Variants in BIRC6 observed in about 807,000 individuals in gnomAD.
BIRC6 encodes the protein dual E2 ubiquitin-conjugating enzyme/E3 ubiquitin-protein ligase BIRC6.
Under a neutral mutation model 503.3 loss-of-function variants are expected in BIRC6, and 98 were observed. That is an observed-to-expected ratio of 0.19 (90% CI 0.17 to 0.23). The LOEUF (loss-of-function observed/expected upper bound fraction) is 0.23. BIRC6 is among the 10% of genes least tolerant of loss of function. BIRC6 has a pLI of 1.00. For missense variants in BIRC6, 5,360 were observed against 5,806.0 expected (o/e 0.92, Z 2.50); for synonymous variants, 2,240 against 2,078.7 (o/e 1.08, Z -2.11).
chr2:32,374,503 C>T (rs1573738952), intron 1 of BIRC6, among the ~76,000 whole-genome samples: 2 of 149,300 alleles, frequency 1.3e-5, no homozygotes, highest in Middle Eastern at 6.8e-3. Flanking sequence ...GACGGAGTCT[C>T]ACTCTGTCGC....
chr2:32,574,792 A>G (rs1478882984), intron 65 of BIRC6: 1 of 289,602 alleles, frequency 3.5e-6, no homozygotes, highest in East Asian at 9.0e-5. Context: ...CTTGTGGCCC[A>G]GGCTGGAGTG....
At position 32,470,271 on chromosome 2, in the gene BIRC6, C is replaced by G; in HGVS notation, c.6451C>G (p.Pro2151Ala). 1 of 1,574,926 alleles carries G rather than the reference C, an allele frequency of 6.3e-7. No individual in the cohort carries two copies. Residue 2151 changes from proline (P) to alanine (A), a missense_variant, in exon 31 of 74, where the codon CCA becomes GCA. Around this residue, in one of 16 missense-constraint regions of BIRC6, gnomAD observed 2,299 missense variants for 2,267.2 expected, o/e 1.01. Transcript: ENST00000421745. ...GGATAATTTATTGTCACCTCTTCAG[C>G]CACAGTTACCCATGCATAGGAGGAC... is the stretch of plus-strand genomic sequence containing the variant. The part of the protein sequence containing the change: ...LLDNLLSPLQ[P>A]QLPMHRRTEG...
chr2:32,611,025 A>G (rs372710882), intron 72 of BIRC6, among the ~76,000 whole-genome samples: 13 of 152,074 alleles, frequency 8.5e-5, no homozygotes, highest in African/African-American at 2.9e-4. Context: ...ACACCGGGCC[A>G]TAAATTTCAT....
rs10528992 is a variant in BIRC6, at chr2:32,508,276, CTTTTTTTTTTTTTTT to C, written c.9980+30_9980+44del. The C allele has an allele frequency of 5.4e-4, 468 of 864,844 alleles. 2 individuals are homozygous for C. Among genetic ancestry groups the C allele is most frequent in the Non-Finnish European group, 5.4e-4 (374 of 694,976 alleles). 53.6% of individuals were successfully genotyped at this position (864,844 alleles called of 1,614,324 possible). A position where few individuals can be genotyped will look rare whatever the true frequency, so the allele number is the denominator to read the frequency against. ...CAAAACAAGGTATGTTTTGTTTGTC[CTTTTTTTTTTTTTTT>C]TTTTTTTTTTTTGGCATGGTTGGGA... On this transcript the variant is annotated intron_variant, in intron 51 of 73. Coordinates refer to ENST00000421745, the MANE Select transcript of BIRC6 (RefSeq NM_016252.4).
At chr2:32,586,884 CA>C (rs1437024804) in intron 66 of BIRC6, among the ~76,000 whole-genome samples, 1 of 152,082 alleles carries the variant, frequency 6.6e-6, no homozygotes, top group Non-Finnish European at 1.5e-5. Context: ...ATGAGAAAAA[CA>C]AAGTTCATAC....
intron 8 of BIRC6, among the ~76,000 whole-genome samples, chr2:32,404,850 T>TG (rs1272741734): frequency 2.0e-5 from 3 of 151,552 alleles, no homozygotes; most frequent in African/African-American, 7.3e-5. Flanking sequence ...TTTGTGGAGA[T>TG]GGGGTCTCAC....
At chr2:32,427,722 C>A (rs2043682842) in intron 10 of BIRC6, among the ~76,000 whole-genome samples, 1 of 151,998 alleles carries the variant, frequency 6.6e-6, no homozygotes, top group Non-Finnish European at 1.5e-5. Context: ...AATCTGAAGT[C>A]CGAGAAGACA....
intron 65 of BIRC6, among the ~76,000 whole-genome samples, chr2:32,571,096 C>G (rs2059885306): frequency 6.6e-6 from 1 of 152,070 alleles, no homozygotes; most frequent in Non-Finnish European, 1.5e-5. Context: ...CAGGTGTGAA[C>G]CACCATGCCA....
At chr2:32,479,963 TCTTA>T (rs547613782) in intron 37 of BIRC6, among the ~76,000 whole-genome samples, 10 of 152,140 alleles carry the variant, frequency 6.6e-5, no homozygotes, top group East Asian at 3.9e-4. Flanking sequence ...TGTATTTTTT[TCTTA>T]CTTTTTCTTT....
At position 32,436,189 on chromosome 2, in the gene BIRC6, A is replaced by G. The variant is rs1365062730; in HGVS notation, c.3631+5A>G. Reference sequence around the variant, plus strand: ...CAAGCCCCAAACTTGTTAAAGGTGAAGTAATACATTTTACAAAAGCAGAAT... The same window carrying G: ...CAAGCCCCAAACTTGTTAAAGGTGAGGTAATACATTTTACAAAAGCAGAAT... On this transcript the variant is annotated splice_donor_5th_base_variant and intron_variant, in intron 15 of 73. Coordinates refer to ENST00000421745, the MANE Select transcript of BIRC6 (RefSeq NM_016252.4). The G allele has an allele frequency of 3.6e-6, 5 of 1,407,678 alleles. No individual in the cohort carries two copies. The highest frequency in any genetic ancestry group is 4.7e-6 in the Non-Finnish European group (5 of 1,063,402). The allele number at this position is 1,407,678 out of a possible 1,614,324, so 87.2% of individuals were successfully genotyped here. A position where few individuals can be genotyped will look rare whatever the true frequency, so the allele number is the denominator to read the frequency against.
At chr2:32,593,268 T>G (rs2061492755) in intron 66 of BIRC6, among the ~76,000 whole-genome samples, 1 of 152,202 alleles carries the variant, frequency 6.6e-6, no homozygotes, top group Non-Finnish European at 1.5e-5. Flanking sequence ...CTAGTACATT[T>G]ATCTAGAAAA....
chr2:32,575,999 C>A (rs2060243267), intron 66 of BIRC6, among the ~76,000 whole-genome samples: 1 of 152,176 alleles, frequency 6.6e-6, no homozygotes, highest in Non-Finnish European at 1.5e-5. Context: ...ATGTCAGAGA[C>A]ATCTTTCAGT....
intron 40 of BIRC6, 54 bp downstream of exon 40, chr2:32,485,813 C>A: frequency 8.4e-7 from 1 of 1,188,994 alleles, no homozygotes; most frequent in South Asian, 1.3e-5. Context: ...AGCTCTTCAT[C>A]ATTTTCAGGT....
chr2:32,552,250 G>T (rs2058476699), intron 65 of BIRC6, among the ~76,000 whole-genome samples: 1 of 152,088 alleles, frequency 6.6e-6, no homozygotes, highest in Admixed American at 6.5e-5. Context: ...AAACTTTAAT[G>T]TTTAATGACT....
At position 32,441,352 on chromosome 2, in the gene BIRC6, T is replaced by C. The variant is rs758093180; in HGVS notation, c.3834T>C (p.Asn1278=). The C allele has an allele frequency of 2.1e-5, 33 of 1,588,776 alleles. No homozygotes were observed. The highest frequency in any genetic ancestry group is 2.4e-5 in the Non-Finnish European group (28 of 1,160,812). ...AGGAAAAATCATCTAATGTTAAGAA[T>C]GAAAATACAAGTGGCACCCGTAAAT... The part of the protein sequence containing the change: ...AGKEKSSNVK[N]ENTSGTRKSE... Residue 1278 remains asparagine (N), a synonymous_variant, in exon 17 of 74, where the codon AAT becomes AAC. Coordinates refer to ENST00000421745, the MANE Select transcript of BIRC6 (RefSeq NM_016252.4).
chr2:32,526,318 A>G (rs1214854377), intron 59 of BIRC6, among the ~76,000 whole-genome samples: 1 of 152,192 alleles, frequency 6.6e-6, no homozygotes, highest in East Asian at 1.9e-4. Flanking sequence ...TGCATGCCAG[A>G]CGTGCCAACA....
At chr2:32,606,211 AAT>A (rs1320039328) in intron 71 of BIRC6, among the ~76,000 whole-genome samples, 1 of 152,192 alleles carries the variant, frequency 6.6e-6, no homozygotes, top group African/African-American at 2.4e-5. Context: ...CACCTCTCTT[AAT>A]ATATGTTACA....
chr2:32,606,191 C>T (rs1449533740), intron 71 of BIRC6, among the ~76,000 whole-genome samples: 4 of 152,118 alleles, frequency 2.6e-5, no homozygotes, highest in East Asian at 3.9e-4. Flanking sequence ...GTACTGTATT[C>T]GCTAGAAATC....
intron 65 of BIRC6, among the ~76,000 whole-genome samples, chr2:32,573,500 AATGTTT>A (rs1364011233): frequency 6.6e-6 from 1 of 152,112 alleles, no homozygotes; most frequent in Admixed American, 6.6e-5. Flanking sequence ...CCTGCCAGTA[AATGTTT>A]ATGGAATGGC....
Sources: gnomAD v4.1 joint callset for allele counts (sites outside exome capture counted in the v4.1 genomes callset) on GRCh38, gnomAD v4.1.1 for gene constraint, gnomAD v4.1.1 regional missense constraint, MANE v1.5 for transcripts, NCBI Gene and HGNC (gene_info 2026-07-23, HGNC 2026-07-21) for gene names.